The following TACR1 variants were observed in gnomAD, a reference collection of about 807,000 sequenced individuals.
TACR1 encodes the protein substance-P receptor.
A neutral mutation model predicts 35.8 loss-of-function variants in TACR1; 25 were observed. The ratio of observed to expected loss-of-function variants is 0.70; its 90% confidence interval spans 0.51 to 0.98. TACR1 has a LOEUF of 0.98. Ranked by LOEUF, TACR1 falls within the 50% of genes least tolerant of loss-of-function variation. The probability of loss-of-function intolerance (pLI) is 0.00; values close to 1 mark genes in which losing one functional copy is unlikely to be tolerated. For missense variants in TACR1, 478 were observed against 522.9 expected (o/e 0.91, Z 0.84); for synonymous variants, 195 against 206.7 (o/e 0.94, Z 0.48).
chr2:75,078,199 C>T (rs1170300545), intron 2 of TACR1, among the ~76,000 whole-genome samples: 1 of 152,120 alleles, frequency 6.6e-6, no homozygotes, highest in Admixed American at 6.5e-5. Context: ...GACTACAATA[C>T]TTAGCTGAAT....
At chr2:75,152,489 C>T (rs1010498114) in intron 1 of TACR1, among the ~76,000 whole-genome samples, 1 of 152,156 alleles carries the variant, frequency 6.6e-6, no homozygotes, top group African/African-American at 2.4e-5. Flanking sequence ...CACCTCCCCC[C>T]ATGATCCTGA....
At chr2:75,099,002 C>G (rs1673479802) in intron 2 of TACR1, among the ~76,000 whole-genome samples, 1 of 151,826 alleles carries the variant, frequency 6.6e-6, no homozygotes, top group Non-Finnish European at 1.5e-5. Flanking sequence ...CGTGCCACTT[C>G]CAGACCACTT....
chr2:75,097,180 ACAGT>A (rs1673439801), intron 2 of TACR1, among the ~76,000 whole-genome samples: 1 of 152,210 alleles, frequency 6.6e-6, no homozygotes, highest in African/African-American at 2.4e-5. Context: ...CCACAATTAA[ACAGT>A]CAATTAATTT....
At chr2:75,147,802 G>A (rs960404906) in intron 1 of TACR1, among the ~76,000 whole-genome samples, 2 of 151,228 alleles carry the variant, frequency 1.3e-5, no homozygotes, top group African/African-American at 4.9e-5. Flanking sequence ...GGAGTGCAGT[G>A]GTGCAATCTT....
chr2:75,180,262 T>G (rs2104045010), intron 1 of TACR1, among the ~76,000 whole-genome samples: 2 of 152,364 alleles, frequency 1.3e-5, no homozygotes, highest in South Asian at 4.1e-4. Flanking sequence ...TCTATCACTC[T>G]AAATGGAGAA....
At chr2:75,096,995 G>A (rs1421114653) in intron 2 of TACR1, among the ~76,000 whole-genome samples, 1 of 152,138 alleles carries the variant, frequency 6.6e-6, no homozygotes, top group East Asian at 1.9e-4. Context: ...CATTCAGTCA[G>A]ATAATGTGTT....
chr2:75,106,914 T>C (rs1284966821), intron 2 of TACR1, among the ~76,000 whole-genome samples: 1 of 151,496 alleles, frequency 6.6e-6, no homozygotes, highest in Non-Finnish European at 1.5e-5. Context: ...TATATATAGA[T>C]AAAGACAATG....
At chr2:75,127,411 C>T (rs796713969) in intron 1 of TACR1, among the ~76,000 whole-genome samples, 15 of 152,236 alleles carry the variant, frequency 9.9e-5, no homozygotes, top group Non-Finnish European at 1.6e-4. Flanking sequence ...GCAGAGTCTT[C>T]GCATCCTCAC....
chr2:75,054,702 C>G (rs1672538398), intron 2 of TACR1, among the ~76,000 whole-genome samples: 1 of 151,960 alleles, frequency 6.6e-6, no homozygotes, highest in Admixed American at 6.6e-5. Context: ...TTAGTTACAG[C>G]CCTTTTCTTA....
chr2:75,138,471 A>G (rs189301550), intron 1 of TACR1, among the ~76,000 whole-genome samples: 1 of 152,198 alleles, frequency 6.6e-6, no homozygotes, highest in African/African-American at 2.4e-5. Flanking sequence ...ATAGAAATAC[A>G]CTACAGGGCT....
At chr2:75,144,797 A>C (rs573179059) in intron 1 of TACR1, among the ~76,000 whole-genome samples, 1 of 152,326 alleles carries the variant, frequency 6.6e-6, no homozygotes, top group Non-Finnish European at 1.5e-5. Flanking sequence ...TTAAATTTCA[A>C]ATTTTTAACT....
At chr2:75,049,770 C>G (rs773351865) in intron 4 of TACR1, 47 bp from the exon 5 acceptor site, 20 of 1,569,364 alleles carry the variant, frequency 1.3e-5, no homozygotes, top group Non-Finnish European at 1.6e-5. Context: ...ACGGCCTGCT[C>G]AGAGGGCTGC....
intron 1 of TACR1, among the ~76,000 whole-genome samples, chr2:75,162,043 C>CAAAAAAAAAAAA (rs35438025): frequency 1.1e-5 from 1 of 94,198 alleles, no homozygotes. Flanking sequence ...TTGACTCTTC[C>CAAAAAAAAAAAA]AAAAAAAAAA....
chr2:75,121,098 C>A lies in TACR1; in HGVS notation c.390-330G>T, dbSNP rs144418692. Among the ~76,000 whole-genome samples, 565 of 152,270 alleles carry A rather than the reference C, an allele frequency of 3.7e-3. 2 individuals carry two copies. The highest frequency in any genetic ancestry group is 0.013 in the African/African-American group (538 of 41,542). ...GTAAGTGAAATTAGAAAAATAAGAA[C>A]AATGTTGTAAATTTATTCAATGTAA... On this transcript the variant is annotated intron_variant, in intron 1 of 4. Coordinates refer to ENST00000305249, the MANE Select transcript of TACR1 (RefSeq NM_001058.4).
At chr2:75,072,943 A>G (rs897067620) in intron 2 of TACR1, among the ~76,000 whole-genome samples, 36 of 148,236 alleles carry the variant, frequency 2.4e-4, no homozygotes, top group Admixed American at 9.8e-4. Flanking sequence ...AACATTAAAA[A>G]ACTAAGCTGA....
chr2:75,170,738 T>C (rs1314847286), intron 1 of TACR1, among the ~76,000 whole-genome samples: 2 of 152,186 alleles, frequency 1.3e-5, no homozygotes, highest in Admixed American at 1.3e-4. Flanking sequence ...TATTATGTTT[T>C]AGCAAAGAGA....
chr2:75,056,714 C>T (rs137964063), intron 2 of TACR1, among the ~76,000 whole-genome samples: 5 of 152,234 alleles, frequency 3.3e-5, no homozygotes, highest in East Asian at 1.9e-4. Flanking sequence ...AAGATAAATA[C>T]GTAAACATAA....
chr2:75,107,207 A>G (rs934097886), intron 2 of TACR1, among the ~76,000 whole-genome samples: 3 of 152,098 alleles, frequency 2.0e-5, no homozygotes, highest in African/African-American at 7.2e-5. Context: ...GAAAACAAAC[A>G]TATCTTCAGC....
chr2:75,134,324 C>G (rs369728210), intron 1 of TACR1, among the ~76,000 whole-genome samples: 1 of 152,136 alleles, frequency 6.6e-6, no homozygotes, highest in African/African-American at 2.4e-5. Context: ...TTTTTCCTGT[C>G]CTGCTTTTTA....
Sources: gnomAD v4.1 joint callset for allele counts (sites outside exome capture counted in the v4.1 genomes callset) on GRCh38, gnomAD v4.1.1 for gene constraint, MANE v1.5 for transcripts, NCBI Gene and HGNC (gene_info 2026-07-23, HGNC 2026-07-21) for gene names.